ADGRB1: variants seen among roughly 807,000 people sequenced by gnomAD.
ADGRB1 encodes adhesion G protein-coupled receptor B1.
A neutral mutation model predicts 175.7 loss-of-function variants in ADGRB1; 36 were observed. The observed-to-expected ratio is 0.20, with a 90% CI of 0.16 to 0.27. The LOEUF (loss-of-function observed/expected upper bound fraction) is 0.27, where lower values mean the gene tolerates loss of function less well. ADGRB1 is among the 10% of genes least tolerant of loss of function. The probability of loss-of-function intolerance (pLI) is 1.00; values close to 1 mark genes in which losing one functional copy is unlikely to be tolerated. For missense variants in ADGRB1, 1,731 were observed against 2,255.3 expected (o/e 0.77, Z 4.71); for synonymous variants, 1,054 against 979.4 (o/e 1.08, Z -1.42).
rs1474607425 is a variant in ADGRB1, at chr8:142,493,721, A to G, written c.2675+2906A>G. On this transcript the variant is annotated intron_variant, in intron 17 of 30. Coordinates refer to ENST00000517894, the MANE Select transcript of ADGRB1 (RefSeq NM_001702.3). This position sits in a 1 kb window ranked among gnomAD's most constrained non-coding sequence, Gnocchi z 5.0. ...GTCCCGCTGAAAGCACAGCGCAGTG[A>G]TCGAGGCCTTCTGCTCTGGAACTGG... Among the ~76,000 whole-genome samples the G allele has an allele frequency of 6.6e-6, 1 of 152,254 alleles. No individual in the cohort carries two copies. Among genetic ancestry groups the G allele is most frequent in the South Asian group, 2.1e-4 (1 of 4,836 alleles).
chr8:142,516,558 ATG>A (rs146929982), intron 18 of ADGRB1, among the ~76,000 whole-genome samples: 4 of 80,124 alleles, frequency 5.0e-5, no homozygotes, highest in African/African-American at 4.8e-5. Context: ...CCCCAGGTGC[ATG>A]TGTGTGTGTG....
Position 142,533,337 on chromosome 8 carries a change from G to T in ADGRB1, c.3441G>T (p.Ala1147=). ...CCTGCGTGGTGCTGCCGCTGCTGGC[G>T]CTGACCTGGATGTCGGCTGTGCTCG... ...WSSCVVLPLL[A]LTWMSAVLAV... Residue 1147 remains alanine, a synonymous_variant, in exon 25 of 31, where the codon GCG becomes GCT. Transcript: ENST00000517894. The T allele has an allele frequency of 6.3e-7, 1 of 1,586,472 alleles. No homozygotes were observed. Among genetic ancestry groups the T allele is most frequent in the Non-Finnish European group, 8.6e-7 (1 of 1,169,236 alleles).
intron 26 of ADGRB1, among the ~76,000 whole-genome samples, chr8:142,538,683 G>A (rs997362799): frequency 6.6e-5 from 10 of 152,206 alleles, no homozygotes; most frequent in Non-Finnish European, 1.3e-4. Context: ...GGGCGGGTCT[G>A]GGCCGCCCAC....
At chr8:142,512,206 G>A (rs557764357) in intron 18 of ADGRB1, among the ~76,000 whole-genome samples, 1 of 152,340 alleles carries the variant, frequency 6.6e-6, no homozygotes, top group Non-Finnish European at 1.5e-5. Context: ...GTGAGTCTGG[G>A]CTGGACAGGG....
chr8:142,499,578 C>T (rs1405306802), intron 17 of ADGRB1, among the ~76,000 whole-genome samples: 1 of 152,164 alleles, frequency 6.6e-6, no homozygotes, highest in Admixed American at 6.5e-5. Flanking sequence ...CCTCAAAGGC[C>T]CAGAGGCGGA....
chr8:142,472,775 G>C (rs983169303), intron 2 of ADGRB1, among the ~76,000 whole-genome samples: 2 of 152,178 alleles, frequency 1.3e-5, no homozygotes, highest in Non-Finnish European at 2.9e-5. Context: ...AAGATCAGAG[G>C]TCAGTCTGTG....
intron 13 of ADGRB1, among the ~76,000 whole-genome samples, chr8:142,485,532 G>GT (rs1424681761): frequency 6.6e-6 from 1 of 152,162 alleles, no homozygotes; most frequent in Non-Finnish European, 1.5e-5. Flanking sequence ...CTCTACAAAT[G>GT]TTTTTTAAAA....
chr8:142,521,575 C>G (rs372855767), intron 20 of ADGRB1, among the ~76,000 whole-genome samples: 1 of 152,242 alleles, frequency 6.6e-6, no homozygotes, highest in Non-Finnish European at 1.5e-5. Flanking sequence ...AGCTCAGGGC[C>G]GCTGTGTGGG....
intron 17 of ADGRB1, among the ~76,000 whole-genome samples, chr8:142,498,368 C>G (rs1424781507): frequency 6.6e-6 from 1 of 152,220 alleles, no homozygotes; most frequent in Non-Finnish European, 1.5e-5. Context: ...CACTCCCTCT[C>G]TGGAGCTGGG....
At chr8:142,541,504 GC>G (rs1323131891) in intron 27 of ADGRB1, among the ~76,000 whole-genome samples, 2 of 152,176 alleles carry the variant, frequency 1.3e-5, no homozygotes, top group East Asian at 1.9e-4. Context: ...CCCGCACACT[GC>G]CCCCCACCCA....
In ADGRB1 at chr8:142,543,881, C is replaced by T. The variant is rs141666318; in HGVS notation, c.4557+173C>T. ...TGGCCTGACCCTGCCATGCCAGACT[C>T]TGGAGGCCATGGCCATACTGGGAGC... On this transcript the variant is annotated intron_variant, in intron 30 of 30. Transcript: ENST00000517894. This position sits in a 1 kb window ranked among gnomAD's most constrained non-coding sequence, Gnocchi z 4.4. Among the ~76,000 whole-genome samples the T allele has an allele frequency of 3.8e-3, 583 of 152,262 alleles. 2 individuals are homozygous for T. Among genetic ancestry groups the T allele is most frequent in the Middle Eastern group, 6.8e-3 (2 of 294 alleles).
At chr8:142,471,110 C>G (rs1840638864) in intron 2 of ADGRB1, among the ~76,000 whole-genome samples, 1 of 152,146 alleles carries the variant, frequency 6.6e-6, no homozygotes, top group Non-Finnish European at 1.5e-5. Flanking sequence ...CTGGCTTGGA[C>G]AGGAGAGCCA....
chr8:142,475,851 G>A (rs1411905931), intron 3 of ADGRB1, among the ~76,000 whole-genome samples: 1 of 147,668 alleles, frequency 6.8e-6, no homozygotes. Flanking sequence ...CCTGCAGGAA[G>A]AGTGAATAGG....
intron 2 of ADGRB1, among the ~76,000 whole-genome samples, chr8:142,469,507 G>GTGTGTGTATGCACGTGCATGTGTGTGAA (rs1840502969): frequency 7.0e-6 from 1 of 143,258 alleles, no homozygotes; most frequent in African/African-American, 2.5e-5. Context: ...ATGTGTGAAT[G>GTGTGTGTATGCACGTGCATGTGTGTGAA]TGTGTGTATG....
rs778893887 is a variant in ADGRB1 at position 142,464,488 on chromosome 8, G to T, written c.290G>T (p.Gly97Val). Residue 97 changes from glycine (G) to valine (V), a missense_variant, in exon 2 of 31, where the codon GGC (glycine) becomes GTC (valine). By Grantham distance (109) the Gly-to-Val change is moderately radical. Coordinates refer to ENST00000517894, the MANE Select transcript of ADGRB1 (RefSeq NM_001702.3). ...AKAPVPCSGPGRVRTYQFDSF... is the reference protein window; with the variant it reads ...AKAPVPCSGPVRVRTYQFDSF... ...GCGCCCGTGCCCTGCAGCGGCCCCG[G>T]CCGCGTGCGCACCTACCAGTTCGAC... 1.3e-6 allele frequency: 2 copies of T among 1,581,124 alleles called. No homozygotes were observed. Among genetic ancestry groups the T allele is most frequent in the African/African-American group, 1.4e-5 (1 of 73,066 alleles).
At chr8:142,466,302 G>T (rs1374881888) in intron 2 of ADGRB1, among the ~76,000 whole-genome samples, 3 of 152,198 alleles carry the variant, frequency 2.0e-5, no homozygotes, top group Non-Finnish European at 4.4e-5. Context: ...TCAGAATTTT[G>T]TGTTTAAAGG....
intron 13 of ADGRB1, among the ~76,000 whole-genome samples, chr8:142,485,697 C>T (rs1841635040): frequency 6.6e-6 from 1 of 152,226 alleles, no homozygotes; most frequent in Non-Finnish European, 1.5e-5. Context: ...TAGCCAGCTC[C>T]CAGAGCACTC....
rs114091877 is a variant in ADGRB1, at chr8:142,459,665, C to A, written c.-219-4315C>A. Among the ~76,000 whole-genome samples the A allele has an allele frequency of 2.4e-3, 362 of 152,348 alleles. 1 individual carries two copies. Among genetic ancestry groups the A allele is most frequent in the African/African-American group, 7.7e-3 (322 of 41,588 alleles). On this transcript the variant is annotated intron_variant, in intron 1 of 30. Coordinates refer to ENST00000517894, the MANE Select transcript of ADGRB1 (RefSeq NM_001702.3). ...GTGTTCATGCTCACATATGCACACT[C>A]ACAGGCACACAGGAACACATGCACA... is the stretch of plus-strand genomic sequence containing the variant.
chr8:142,542,427 C>T lies in ADGRB1; in HGVS notation c.4193C>T (p.Pro1398Leu). 1 of 1,521,144 alleles carries T rather than the reference C, an allele frequency of 6.6e-7. No individual in the cohort carries two copies. The highest frequency in any genetic ancestry group is 8.8e-7 in the Non-Finnish European group (1 of 1,133,780). The allele number at this position is 1,521,144 out of a possible 1,614,324, so 94.2% of individuals were successfully genotyped here. The change falls in exon 28 of 31, where the codon CCC (proline) becomes CTC (leucine). Residue 1398 changes from proline to leucine, a missense_variant. Physicochemically the swap from Pro to Leu is moderately conservative, Grantham distance 98. This residue lies in a region of ADGRB1 where 394 missense variants were observed against 410.2 expected (regional missense o/e 0.96). Transcript: ENST00000517894. The surrounding 1 kb of genome is among the most constrained non-coding windows in gnomAD (Gnocchi z 6.3). ...GCCCGCAGCCCGCCCTCCCGCCAGC[C>T]CCCCAGCGGCGGGCCCCCCGAGGCA... ...LPARSPPSRQ[P>L]PSGGPPEAPP...
Sources: allele counts gnomAD v4.1 joint callset (sites outside exome capture counted in the v4.1 genomes callset), GRCh38; gene constraint gnomAD v4.1.1; regional missense constraint gnomAD v4.1.1; non-coding constraint Gnocchi (gnomAD v3.1); transcripts MANE v1.5; gene names NCBI Gene and HGNC (gene_info 2026-07-23, HGNC 2026-07-21).